The following ZNF385D variants were observed in gnomAD, a reference collection of about 807,000 sequenced individuals.
The protein encoded by ZNF385D is zinc finger protein 385D, also known as zinc finger protein 659.
In ZNF385D, 15 loss-of-function variants were observed where a neutral mutation model predicts 35.8. The ratio of observed to expected loss-of-function variants is 0.42; its 90% CI spans 0.28 to 0.64. The LOEUF (loss-of-function observed/expected upper bound fraction) is 0.64. ZNF385D is among the 30% of genes least tolerant of loss of function. The pLI, the probability that ZNF385D is intolerant of heterozygous loss-of-function variation, is 0.23. For synonymous variants in ZNF385D, 212 were observed against 186.8 expected (o/e 1.13, Z -1.10); for missense variants, 474 against 494.6 (o/e 0.96, Z 0.39).
chr3:21,571,210 C>A (rs1348830345), intron 2 of ZNF385D, among the ~76,000 whole-genome samples: 8 of 152,148 alleles, frequency 5.3e-5, no homozygotes, highest in Non-Finnish European at 8.8e-5. Flanking sequence ...CCTGCTTTTG[C>A]ACTTCATAAA....
chr3:21,478,268 T>C (rs144282657), intron 4 of ZNF385D, among the ~76,000 whole-genome samples: 271 of 152,222 alleles, frequency 1.8e-3, no homozygotes, highest in African/African-American at 6.3e-3. Flanking sequence ...AATATTCAAA[T>C]ATTTTGAATA....
chr3:21,544,838 C>T (rs962138876), intron 3 of ZNF385D, among the ~76,000 whole-genome samples: 2 of 152,152 alleles, frequency 1.3e-5, no homozygotes, highest in Admixed American at 1.3e-4. Flanking sequence ...AGCAGCCTAA[C>T]CAAAATCAAA....
Position 22,020,841 on chromosome 3 carries a change from A to G in ZNF385D, c.325+147976T>C, listed in dbSNP as rs150231725. Among the ~76,000 whole-genome samples the G allele has an allele frequency of 5.8e-3, 879 of 152,214 alleles. 9 individuals are homozygous for G. The highest frequency in any genetic ancestry group is 0.018 in the South Asian group (88 of 4,832). ...CATGCACTCATATGTTTATCACAGC[A>G]CTAGTCACAACAGCAAAGATATGGA... On this transcript the variant is annotated intron_variant, in intron 3 of 5. Transcript: ENST00000494108.
intron 3 of ZNF385D, among the ~76,000 whole-genome samples, chr3:21,932,017 A>G (rs1317149785): frequency 6.6e-6 from 1 of 151,620 alleles, no homozygotes; most frequent in Non-Finnish European, 1.5e-5. Context: ...AATACAAAAA[A>G]TTAGCCGGGA....
rs573896469 is a variant in ZNF385D at position 21,829,719 on chromosome 3, C to A, written c.326-164691G>T. On this transcript the variant is annotated intron_variant, in intron 3 of 5. Transcript: ENST00000494108. ...TAATGGTGTCATGAATTAGGCTTTC[C>A]ATGTGGGAGATGCTAAATTATTGAA... 2.0e-5 allele frequency among the ~76,000 whole-genome samples: 3 copies of A among 152,020 alleles called. No individual in the cohort carries two copies. The South Asian group carries it at 6.2e-4, about 32-fold the overall frequency.
intron 2 of ZNF385D, among the ~76,000 whole-genome samples, chr3:21,655,226 A>T (rs1014070203): frequency 6.6e-6 from 1 of 151,900 alleles, no homozygotes; most frequent in Non-Finnish European, 1.5e-5. Flanking sequence ...CAACACCTTT[A>T]CTCACTCCTA....
chr3:21,634,230 G>A (rs2065360742), intron 2 of ZNF385D, among the ~76,000 whole-genome samples: 2 of 149,948 alleles, frequency 1.3e-5, no homozygotes, highest in Admixed American at 1.3e-4. Context: ...AAGAGAAAGA[G>A]AGGAAGGGAG....
chr3:21,472,750 A>G (rs1703985066), intron 4 of ZNF385D, among the ~76,000 whole-genome samples: 1 of 152,140 alleles, frequency 6.6e-6, no homozygotes, highest in African/African-American at 2.4e-5. Context: ...GAGATGCCTC[A>G]TCATAGCCTG....
intron 2 of ZNF385D, among the ~76,000 whole-genome samples, chr3:21,603,043 C>T (rs1198249093): frequency 6.6e-6 from 1 of 152,132 alleles, no homozygotes; most frequent in Non-Finnish European, 1.5e-5. Context: ...TTTATAACTA[C>T]CCCAAACTTA....
chr3:21,631,200 TG>T (rs1433137331), intron 2 of ZNF385D, among the ~76,000 whole-genome samples: 1 of 152,088 alleles, frequency 6.6e-6, no homozygotes, highest in Non-Finnish European at 1.5e-5. Flanking sequence ...TGCACTTCAG[TG>T]GACGGTTGGG....
chr3:21,959,431 G>A lies in ZNF385D; in HGVS notation c.325+209386C>T, dbSNP rs146976900. On this transcript the variant is annotated intron_variant, in intron 3 of 5. Transcript: ENST00000494108. ...AAAGCTGTAAAATACTATAGTGTTT[G>A]TGAGGAACCAGTCAAAAATCCAATC... Among the ~76,000 whole-genome samples the A allele has an allele frequency of 6.5e-3, 990 of 152,242 alleles. 11 individuals carry two copies. Among genetic ancestry groups the A allele is most frequent in the African/African-American group, 0.023 (948 of 41,564 alleles).
chr3:21,646,392 G>C lies in ZNF385D; in HGVS notation c.165+18494C>G, dbSNP rs772352877. Among the ~76,000 whole-genome samples the C allele has an allele frequency of 1.3e-5, 2 of 152,224 alleles. No individual in the cohort carries two copies. Among genetic ancestry groups the C allele is most frequent in the Non-Finnish European group, 2.9e-5 (2 of 68,044 alleles). On this transcript the variant is annotated intron_variant, in intron 2 of 7. Transcript: ENST00000281523. This position sits in a 1 kb window ranked among gnomAD's most constrained non-coding sequence, Gnocchi z 4.3. ...ATCTGACTTCACAGTGAGACGCTGA[G>C]AAAGGTGAAGTAAGTGGACTGAGAG...
At chr3:21,736,623 C>T (rs1041786970) in intron 1 of ZNF385D, among the ~76,000 whole-genome samples, 2 of 152,156 alleles carry the variant, frequency 1.3e-5, no homozygotes, top group Admixed American at 6.5e-5. Context: ...AAGCACAGGA[C>T]GTCTTTCAAC....
chr3:21,614,023 A>T (rs1281215038), intron 2 of ZNF385D, among the ~76,000 whole-genome samples: 1 of 152,200 alleles, frequency 6.6e-6, no homozygotes, highest in Non-Finnish European at 1.5e-5. Context: ...GTGGTCCCCC[A>T]AGGACCCTAG....
rs1389306422 is a variant in ZNF385D, at chr3:21,428,912, G to A, written c.674-3242C>T. Among the ~76,000 whole-genome samples, 8 of 132,618 alleles carry A rather than the reference G, an allele frequency of 6.0e-5. 1 individual carries two copies. Among genetic ancestry groups the A allele is most frequent in the African/African-American group, 1.1e-4 (4 of 35,846 alleles). 87.0% of individuals were successfully genotyped at this position (132,618 alleles called of 152,430 possible). On this transcript the variant is annotated intron_variant, in intron 5 of 7. Transcript: ENST00000281523. ...TCCAACCACAGTCTAAATTCAGCAC[G>A]GCATAAGGCTCCAAGAAATCCTTTT...
chr3:21,889,988 TAA>T (rs950480629), intron 3 of ZNF385D, among the ~76,000 whole-genome samples: 5 of 152,138 alleles, frequency 3.3e-5, no homozygotes, highest in Non-Finnish European at 1.5e-5. Context: ...CCCCTTTTTA[TAA>T]AGACACTAGT....
At chr3:22,350,218 T>C (rs184315338) in intron 2 of ZNF385D, among the ~76,000 whole-genome samples, 1 of 152,272 alleles carries the variant, frequency 6.6e-6, no homozygotes, top group Admixed American at 6.5e-5. Flanking sequence ...ATGTTAATAT[T>C]AGTTGCTTAT....
chr3:21,545,761 C>T (rs1164165060), intron 3 of ZNF385D, among the ~76,000 whole-genome samples: 2 of 151,626 alleles, frequency 1.3e-5, no homozygotes, highest in Non-Finnish European at 2.9e-5. Context: ...TGAGACCCTC[C>T]TCTACACAGT....
At chr3:21,710,661 T>C (rs1344432208) in intron 1 of ZNF385D, among the ~76,000 whole-genome samples, 3 of 152,226 alleles carry the variant, frequency 2.0e-5, no homozygotes, top group African/African-American at 4.8e-5. Flanking sequence ...TCTTAAACCA[T>C]AGACAAAAAA....
Sources: gnomAD v4.1 joint callset for allele counts (sites outside exome capture counted in the v4.1 genomes callset) on GRCh38, gnomAD v4.1.1 for gene constraint, Gnocchi (gnomAD v3.1) non-coding constraint, MANE v1.5 for transcripts, NCBI Gene and HGNC (gene_info 2026-07-23, HGNC 2026-07-21) for gene names.